CAST: variants seen among roughly 807,000 people sequenced by gnomAD.
The protein encoded by CAST is MIR583 host.
In CAST, 76 loss-of-function variants were observed where a neutral mutation model predicts 119.6. The observed-to-expected ratio is 0.64, with a 90% confidence interval of 0.53 to 0.77. The LOEUF (loss-of-function observed/expected upper bound fraction) is 0.77, where lower values mean the gene tolerates loss of function less well. Ranked by LOEUF, CAST falls within the 30% of genes least tolerant of loss-of-function variation. The pLI is 0.00. For missense variants in CAST, 953 were observed against 946.5 expected (o/e 1.01, Z -0.09); for synonymous variants, 319 against 331.6 (o/e 0.96, Z 0.41).
At chr5:96,042,556 G>C in the CAST span, among the ~76,000 whole-genome samples, 1 of 152,124 alleles carries the variant, frequency 6.6e-6, no homozygotes, top group Non-Finnish European at 1.5e-5. Flanking sequence ...GTAAGTGTTC[G>C]ATATGATTAA....
intron 1 of CAST, among the ~76,000 whole-genome samples, chr5:96,652,037 G>C (rs9686429): frequency 6.6e-6 from 1 of 152,076 alleles, no homozygotes; most frequent in African/African-American, 2.4e-5. Context: ...AGAGAGCTTC[G>C]GTAAACTTCC....
At chr5:96,129,864 T>C in the CAST span, among the ~76,000 whole-genome samples, 1 of 152,088 alleles carries the variant, frequency 6.6e-6, no homozygotes. Flanking sequence ...TTAATTATAA[T>C]AGCATTGCCT....
chr5:96,058,940 C>T, the CAST span, among the ~76,000 whole-genome samples: 2 of 152,136 alleles, frequency 1.3e-5, no homozygotes, highest in African/African-American at 4.8e-5. Context: ...GAAAAGATTA[C>T]ATTTTCAGCC....
chr5:96,534,188 G>A (rs1324846018), intron 1 of CAST, among the ~76,000 whole-genome samples: 1 of 152,038 alleles, frequency 6.6e-6, no homozygotes, highest in Non-Finnish European at 1.5e-5. Context: ...AACATTTGGA[G>A]GATCTGCAAA....
the CAST span, among the ~76,000 whole-genome samples, chr5:96,180,679 A>G: frequency 6.6e-6 from 1 of 152,264 alleles, no homozygotes; most frequent in Non-Finnish European, 1.5e-5. Context: ...TAGGGTGGTA[A>G]ATACTTTTTA....
At chr5:96,235,875 G>A in the CAST span, among the ~76,000 whole-genome samples, 2 of 152,112 alleles carry the variant, frequency 1.3e-5, no homozygotes, top group Non-Finnish European at 2.9e-5. Flanking sequence ...AGTAACTTGG[G>A]TTCCCAGATC....
the CAST span, among the ~76,000 whole-genome samples, chr5:96,345,238 GA>G: frequency 6.6e-6 from 1 of 152,136 alleles, no homozygotes; most frequent in Non-Finnish European, 1.5e-5. Flanking sequence ...CTTCCCAAAA[GA>G]GCTTCTTAAC....
the CAST span, among the ~76,000 whole-genome samples, chr5:96,441,423 A>T: frequency 6.6e-6 from 1 of 152,080 alleles, no homozygotes; most frequent in African/African-American, 2.4e-5. Flanking sequence ...TATTAACTCC[A>T]ATTCACTAAA....
chr5:95,969,239 T>C, the CAST span, among the ~76,000 whole-genome samples: 1,256 of 152,260 alleles, frequency 8.2e-3, 14 homozygotes, highest in African/African-American at 0.029. Flanking sequence ...AATATGGACT[T>C]CGATCTGTGA....
At chr5:96,268,121 C>T in the CAST span, among the ~76,000 whole-genome samples, 24 of 151,812 alleles carry the variant, frequency 1.6e-4, no homozygotes, top group Non-Finnish European at 3.2e-4. Flanking sequence ...AAACATACTA[C>T]CAGAGAAAAT....
At chr5:96,596,866 G>C (rs955497945) in intron 1 of CAST, among the ~76,000 whole-genome samples, 2 of 152,186 alleles carry the variant, frequency 1.3e-5, no homozygotes, top group African/African-American at 4.8e-5. Flanking sequence ...CTTGTGTTTG[G>C]TGATTTTCTC....
At chr5:96,096,449 G>A in the CAST span, among the ~76,000 whole-genome samples, 1 of 152,106 alleles carries the variant, frequency 6.6e-6, no homozygotes, top group Admixed American at 6.6e-5. Flanking sequence ...ACACAGAAAA[G>A]GACAAAGGAA....
the CAST span, among the ~76,000 whole-genome samples, chr5:96,302,147 G>A: frequency 3.9e-5 from 6 of 152,102 alleles, no homozygotes; most frequent in Admixed American, 2.6e-4. Context: ...AGCCCTTGTC[G>A]CTTACAGCTT....
the CAST span, among the ~76,000 whole-genome samples, chr5:96,176,974 A>G: frequency 7.5e-4 from 115 of 152,338 alleles, no homozygotes; most frequent in Middle Eastern, 6.8e-3. Flanking sequence ...ATATGCTATT[A>G]TAATACTTAA....
intron 25 of CAST, chr5:96,763,167 T>C (rs757562532): frequency 1.3e-6 from 1 of 780,624 alleles, no homozygotes; most frequent in Non-Finnish European, 2.4e-6. Context: ...TCAAAGCATA[T>C]TTAGTGCTGT....
the CAST span, among the ~76,000 whole-genome samples, chr5:95,994,213 G>A: frequency 6.6e-6 from 1 of 152,168 alleles, no homozygotes; most frequent in Non-Finnish European, 1.5e-5. Context: ...AAAGAGTTGT[G>A]TGTCAGTGTT....
chr5:96,531,990 C>T (rs1745697809), intron 1 of CAST, among the ~76,000 whole-genome samples: 1 of 152,158 alleles, frequency 6.6e-6, no homozygotes, highest in Non-Finnish European at 1.5e-5. Flanking sequence ...TAGTGGCATG[C>T]ACCTGTAATC....
chr5:96,353,334 C>T, the CAST span, among the ~76,000 whole-genome samples: 3 of 152,138 alleles, frequency 2.0e-5, no homozygotes, highest in African/African-American at 7.2e-5. Flanking sequence ...TAATCACTTC[C>T]ACTTAGATGT....
the CAST span, chr5:96,408,244 A>G: frequency 1.7e-5 from 28 of 1,613,910 alleles, no homozygotes; most frequent in Non-Finnish European, 2.3e-5. Context: ...GGCCAGAGCG[A>G]AGATGCCAGC....
Sources: allele counts gnomAD v4.1 joint callset (sites outside exome capture counted in the v4.1 genomes callset), GRCh38; gene constraint gnomAD v4.1.1; transcripts MANE v1.5; gene names NCBI Gene and HGNC (gene_info 2026-07-23, HGNC 2026-07-21).